The following SULF1 variants were observed in gnomAD, a reference collection of about 807,000 sequenced individuals.
The protein encoded by SULF1 is extracellular sulfatase Sulf-1.
In SULF1, 46 loss-of-function variants were observed where a neutral mutation model predicts 110.5. The observed-to-expected ratio is 0.42, with a 90% CI of 0.33 to 0.53. SULF1 has a LOEUF of 0.53. Ranked by LOEUF, SULF1 falls within the 20% of genes least tolerant of loss-of-function variation. The pLI, the probability that SULF1 is intolerant of heterozygous loss-of-function variation, is 0.12. For synonymous variants in SULF1, 371 were observed against 387.1 expected (o/e 0.96, Z 0.49); for missense variants, 941 against 1,094.2 (o/e 0.86, Z 1.98).
At chr8:69,605,006 A>G (rs1808128545) in intron 13 of SULF1, 74 bp downstream of exon 13, 1 of 1,584,244 alleles carries the variant, frequency 6.3e-7, no homozygotes, top group Non-Finnish European at 8.6e-7. Flanking sequence ...GTCCACATAT[A>G]AAAGAATGTA....
Position 69,621,043 on chromosome 8 carries a change from A to G in SULF1, c.1386A>G (p.Gln462=). Residue 462 remains glutamine, a synonymous_variant, in exon 14 of 23, where the codon CAA becomes CAG. Coordinates refer to ENST00000402687, the MANE Select transcript of SULF1 (RefSeq NM_001128205.2). ...CACGTTGGCTTTTGCAGAAGTGGCA[A>G]TGCATTGAGGATACATCTGGCAAGC... ...TACEQPGQKW[Q]CIEDTSGKLR... is the part of the protein sequence containing the mutation. 6.2e-7 allele frequency: 1 copy of G among 1,601,302 alleles called. No individual in the cohort carries two copies.
chr8:69,557,003 T>G (rs143866853), intron 3 of SULF1, among the ~76,000 whole-genome samples: 2 of 152,324 alleles, frequency 1.3e-5, no homozygotes, highest in African/African-American at 4.8e-5. Flanking sequence ...CTCCCACTTA[T>G]AAGTGAGAAC....
intron 18 of SULF1, 84 bp downstream of exon 18, chr8:69,628,320 G>A: frequency 3.5e-6 from 4 of 1,133,972 alleles, no homozygotes; most frequent in Non-Finnish European, 5.3e-6. Context: ...GGACCCCTGT[G>A]TTTCCTGCAG....
intron 14 of SULF1, 23 bp from the exon 15 acceptor site, chr8:69,623,918 TA>T: frequency 1.9e-6 from 3 of 1,598,642 alleles, no homozygotes; most frequent in Non-Finnish European, 2.6e-6. Flanking sequence ...ACATCCATAG[TA>T]ATGTATCTTC....
At chr8:69,580,452 G>A (rs1805982884) in intron 6 of SULF1, among the ~76,000 whole-genome samples, 1 of 152,116 alleles carries the variant, frequency 6.6e-6, no homozygotes. Flanking sequence ...AAGCAAGATT[G>A]AAAACATCGT....
At chr8:69,596,623 G>A (rs1807353759) in intron 8 of SULF1, among the ~76,000 whole-genome samples, 1 of 152,152 alleles carries the variant, frequency 6.6e-6, no homozygotes, top group Admixed American at 6.5e-5. Context: ...TGGGATTTTT[G>A]AGGTACTTTG....
intron 13 of SULF1, among the ~76,000 whole-genome samples, chr8:69,618,093 G>T (rs1429557409): frequency 1.3e-5 from 2 of 152,220 alleles, no homozygotes; most frequent in Non-Finnish European, 2.9e-5. Flanking sequence ...GGGAGCTTCT[G>T]AAAGTCCCTC....
At chr8:69,652,982 G>A (rs1185352694) in intron 22 of SULF1, among the ~76,000 whole-genome samples, 1 of 152,170 alleles carries the variant, frequency 6.6e-6, no homozygotes, top group African/African-American at 2.4e-5. Flanking sequence ...TCTTTTAACA[G>A]CATCAATTTC....
At chr8:69,514,749 A>G (rs1276194124) in intron 3 of SULF1, among the ~76,000 whole-genome samples, 3 of 152,240 alleles carry the variant, frequency 2.0e-5, no homozygotes, top group Non-Finnish European at 4.4e-5. Flanking sequence ...GGGTACAGGT[A>G]TTGGGTAAAT....
intron 1 of SULF1, among the ~76,000 whole-genome samples, chr8:69,467,743 A>G (rs1297634938): frequency 1.3e-5 from 2 of 152,238 alleles, no homozygotes; most frequent in Non-Finnish European, 2.9e-5. Context: ...TAGACCGGCT[A>G]AGTGAAGTGT....
chr8:69,588,833 G>A (rs1806657985), intron 7 of SULF1, 139 bp from the exon 8 acceptor site: 1 of 693,484 alleles, frequency 1.4e-6, no homozygotes, highest in Non-Finnish European at 2.3e-6. Context: ...CGGCTGCCTT[G>A]GGAGGTGCAG....
rs33972358 is a variant in SULF1, at chr8:69,538,275, C to CTTTTTTTTT, written c.-133-25259_-133-25251dup. 2.7e-3 allele frequency among the ~76,000 whole-genome samples: 353 copies of CTTTTTTTTT among 131,044 alleles called. 13 individuals are homozygous for CTTTTTTTTT. Among genetic ancestry groups the CTTTTTTTTT allele is most frequent in the South Asian group, 9.7e-3 (39 of 4,038 alleles). 86.0% of individuals were successfully genotyped at this position (131,044 alleles called of 152,430 possible). A position where few individuals can be genotyped will look rare whatever the true frequency, so the allele number is the denominator to read the frequency against. ...TTATTGGTTTTTACATTTCTGTTGC[C>CTTTTTTTTT]TTTTTTTTTTTTTGAGCCATTAAGC... On this transcript the variant is annotated intron_variant, in intron 3 of 22. Coordinates refer to ENST00000402687, the MANE Select transcript of SULF1 (RefSeq NM_001128205.2).
At chr8:69,616,183 A>AAT (rs1260286890) in intron 13 of SULF1, among the ~76,000 whole-genome samples, 1 of 144,364 alleles carries the variant, frequency 6.9e-6, no homozygotes, top group Non-Finnish European at 1.5e-5. Context: ...TGTGTATATA[A>AAT]ATATATATAC....
At chr8:69,582,178 T>C (rs2150756471) in intron 6 of SULF1, among the ~76,000 whole-genome samples, 1 of 152,032 alleles carries the variant, frequency 6.6e-6, no homozygotes, top group South Asian at 2.1e-4. Context: ...ATGAAGTAAC[T>C]TAAAGTGCAG....
intron 1 of SULF1, among the ~76,000 whole-genome samples, chr8:69,493,792 A>C (rs906447338): frequency 1.3e-5 from 2 of 152,368 alleles, no homozygotes; most frequent in African/African-American, 4.8e-5. Context: ...TAACTTTTTA[A>C]GCACAGGCAA....
chr8:69,581,841 AG>A (rs1201038247), intron 6 of SULF1, among the ~76,000 whole-genome samples: 5 of 152,218 alleles, frequency 3.3e-5, no homozygotes, highest in Admixed American at 1.3e-4. Context: ...CAAAAAGGCC[AG>A]AGCAACTGGA....
At chr8:69,513,880 A>C (rs1811741575) in intron 3 of SULF1, among the ~76,000 whole-genome samples, 1 of 152,242 alleles carries the variant, frequency 6.6e-6, no homozygotes, top group Admixed American at 6.5e-5. Flanking sequence ...ACTCTTAATA[A>C]GTTTTCTGTG....
intron 19 of SULF1, among the ~76,000 whole-genome samples, chr8:69,635,899 A>G (rs894849621): frequency 6.6e-6 from 1 of 151,936 alleles, no homozygotes; most frequent in African/African-American, 2.4e-5. Context: ...CTCTGTAGCC[A>G]GATCCCAGTG....
At chr8:69,627,965 G>C (rs933102014) in intron 17 of SULF1, 99 bp downstream of exon 17, 1 of 964,944 alleles carries the variant, frequency 1.0e-6, no homozygotes, top group South Asian at 1.5e-5. Context: ...CCTATAGAAT[G>C]TATTGTCATA....
Sources: allele counts gnomAD v4.1 joint callset (sites outside exome capture counted in the v4.1 genomes callset), GRCh38; gene constraint gnomAD v4.1.1; transcripts MANE v1.5; gene names NCBI Gene and HGNC (gene_info 2026-07-23, HGNC 2026-07-21).